Variants in RNF128 observed in about 807,000 individuals in gnomAD.
RNF128 encodes ring finger protein 128.
In RNF128, 13 loss-of-function variants were observed where a neutral mutation model predicts 26.2. The ratio of observed to expected loss-of-function variants is 0.50; its 90% CI spans 0.32 to 0.79. The LOEUF (loss-of-function observed/expected upper bound fraction) is 0.79. RNF128 is among the 30% of genes least tolerant of loss of function. The pLI, the probability that RNF128 is intolerant of heterozygous loss-of-function variation, is 0.03. For missense variants in RNF128, 315 were observed against 349.7 expected (o/e 0.90, Z 0.79); for synonymous variants, 149 against 142.5 (o/e 1.05, Z -0.32).
At chrX:106,773,549 A>C (rs1184897331) in intron 2 of RNF128, among the ~76,000 whole-genome samples, 1 of 111,589 alleles carries the variant, frequency 9.0e-6, no homozygotes, top group Non-Finnish European at 1.9e-5. Flanking sequence ...ATAGCAATAT[A>C]ACTATAGTCA....
rs762079603 is a variant in RNF128, at chrX:106,707,614, G to A, written c.406+13206G>A. 2.4e-3 allele frequency among the ~76,000 whole-genome samples: 266 copies of A among 110,426 alleles called. 2 individuals are homozygous for A. The highest frequency in any genetic ancestry group is 4.4e-3 in the Non-Finnish European group (233 of 52,817). On this transcript the variant is annotated intron_variant, in intron 1 of 6. Coordinates refer to the RNF128 transcript ENST00000324342. ...GAGGATGACTTTACTTTTGTGTCTTGGAGAAGGATTTGGGGGCCAGTCACC... is the reference window on the plus strand; with the variant it reads ...GAGGATGACTTTACTTTTGTGTCTTAGAGAAGGATTTGGGGGCCAGTCACC...
intron 1 of RNF128, among the ~76,000 whole-genome samples, chrX:106,733,134 A>T (rs1269534785): frequency 9.0e-6 from 1 of 111,191 alleles, no homozygotes; most frequent in African/African-American, 3.3e-5. Context: ...TAATCTAGAG[A>T]TTATTTAAAA....
At chrX:106,728,543 C>T (rs943538222) in intron 1 of RNF128, among the ~76,000 whole-genome samples, 1 of 112,204 alleles carries the variant, frequency 8.9e-6, no homozygotes, top group African/African-American at 3.2e-5. Flanking sequence ...GATTAGCCTT[C>T]TGGGAGTCAC....
intron 1 of RNF128, among the ~76,000 whole-genome samples, chrX:106,755,826 C>G (rs1179050114): frequency 9.1e-6 from 1 of 110,394 alleles, no homozygotes; most frequent in Non-Finnish European, 1.9e-5. Flanking sequence ...GATTGTATAT[C>G]TAGAAAACCC....
chrX:106,728,561 A>G (rs899582027), intron 1 of RNF128, among the ~76,000 whole-genome samples: 10 of 112,298 alleles, frequency 8.9e-5, no homozygotes, highest in African/African-American at 3.2e-4. Flanking sequence ...CACTGGAAGG[A>G]AGAAGCTGCT....
chrX:106,791,265 C>T, intron 6 of RNF128, 31 bp downstream of exon 6: 1 of 1,173,969 alleles, frequency 8.5e-7, no homozygotes, highest in Middle Eastern at 2.4e-4. Context: ...TAACGAGTGC[C>T]CTGCAATCCA....
intron 1 of RNF128, among the ~76,000 whole-genome samples, chrX:106,710,322 TTC>T (rs772397408): frequency 8.9e-6 from 1 of 112,407 alleles, no homozygotes; most frequent in East Asian, 2.8e-4. Flanking sequence ...CTGTTATATA[TTC>T]TGTTAAAATG....
chrX:106,719,015 G>C lies in RNF128; in HGVS notation c.406+24607G>C, dbSNP rs149770262. On this transcript the variant is annotated intron_variant, in intron 1 of 6. Transcript: ENST00000324342. ...GACTTTGCCCCCTTGGAATACAAAG[G>C]CAGCCTTTGCCCACACTCATGAAGG... is the stretch of plus-strand genomic sequence containing the variant. Among the ~76,000 whole-genome samples the C allele has an allele frequency of 1.5e-3, 167 of 112,233 alleles. 3 individuals carry two copies. The East Asian group carries it at 0.04, about 27-fold the overall frequency.
chrX:106,791,127 G>T lies in RNF128; in HGVS notation c.1046G>T (p.Ser349Ile). Residue 349 changes from serine to isoleucine, a missense_variant, in exon 6 of 7, where the codon AGT becomes ATT. Transcript: ENST00000255499. Reference protein sequence around the residue: ...QVPVSNEISNSASSHEEDNRS... With the variant: ...QVPVSNEISNIASSHEEDNRS... Reference sequence around the variant, plus strand: ...CCTGTATCCAATGAAATATCTAATAGTGCCTCCTCCCATGAAGAGGATAAT... The same window carrying T: ...CCTGTATCCAATGAAATATCTAATATTGCCTCCTCCCATGAAGAGGATAAT... 2 of 1,207,819 alleles carry T rather than the reference G, an allele frequency of 1.7e-6. No individual in the cohort carries two copies. Among genetic ancestry groups the T allele is most frequent in the Non-Finnish European group, 2.2e-6 (2 of 892,520 alleles).
chrX:106,751,371 A>T (rs933854982), intron 1 of RNF128, among the ~76,000 whole-genome samples: 1 of 110,690 alleles, frequency 9.0e-6, no homozygotes, highest in African/African-American at 3.3e-5. Flanking sequence ...GCCCATACCC[A>T]TGGAGGGAGC....
intron 1 of RNF128, among the ~76,000 whole-genome samples, chrX:106,717,508 C>A (rs12009433): frequency 0.11 from 12,673 of 111,224 alleles, 1,747 homozygotes; most frequent in African/African-American, 0.39. Context: ...TTCTTGATAC[C>A]GTTAATAGGG....
At chrX:106,750,153 C>T (rs929902576) in intron 1 of RNF128, among the ~76,000 whole-genome samples, 1 of 111,512 alleles carries the variant, frequency 9.0e-6, no homozygotes, top group Non-Finnish European at 1.9e-5. Context: ...ACATTTCATC[C>T]CAATTCCACA....
At chrX:106,781,370 C>T (rs1930562465) in intron 2 of RNF128, among the ~76,000 whole-genome samples, 2 of 111,896 alleles carry the variant, frequency 1.8e-5, no homozygotes, top group African/African-American at 3.2e-5. Context: ...TTACAGTTCA[C>T]ATGGGGCATA....
intron 1 of RNF128, among the ~76,000 whole-genome samples, chrX:106,764,673 A>C (rs1452870534): frequency 9.0e-6 from 1 of 111,689 alleles, no homozygotes; most frequent in Admixed American, 9.5e-5. Flanking sequence ...CTCAAAAAAA[A>C]CAAAACAACA....
intron 1 of RNF128, among the ~76,000 whole-genome samples, chrX:106,765,911 C>T (rs771638788): frequency 4.0e-5 from 4 of 100,508 alleles, no homozygotes; most frequent in East Asian, 3.2e-4. Context: ...ATGTTCCCCA[C>T]CCTGTGTCCA....
intron 1 of RNF128, among the ~76,000 whole-genome samples, chrX:106,729,577 A>G (rs1201763651): frequency 9.0e-6 from 1 of 111,434 alleles, no homozygotes; most frequent in African/African-American, 3.3e-5. Flanking sequence ...AGGATACCAT[A>G]TAGGAATAAA....
chrX:106,773,665 T>C (rs893570804), intron 2 of RNF128, among the ~76,000 whole-genome samples: 1 of 111,126 alleles, frequency 9.0e-6, no homozygotes, highest in African/African-American at 3.3e-5. Context: ...GAAGATCTGA[T>C]TGTGCATGAT....
At chrX:106,769,863 C>T (rs1410736407) in intron 1 of RNF128, among the ~76,000 whole-genome samples, 4 of 109,954 alleles carry the variant, frequency 3.6e-5, no homozygotes, top group Admixed American at 9.7e-5. Context: ...TTTACAATTT[C>T]GCATGCTTTT....
chrX:106,755,676 A>C (rs889860204), intron 1 of RNF128, among the ~76,000 whole-genome samples: 1 of 111,937 alleles, frequency 8.9e-6, no homozygotes, highest in African/African-American at 3.2e-5. Flanking sequence ...ATTCCAATTG[A>C]TGCTGAAAAT....
Sources: allele counts gnomAD v4.1 joint callset (sites outside exome capture counted in the v4.1 genomes callset), GRCh38; gene constraint gnomAD v4.1.1; transcripts MANE v1.5; gene names NCBI Gene and HGNC (gene_info 2026-07-23, HGNC 2026-07-21).